COPG1: variants seen among roughly 807,000 people sequenced by gnomAD.
The protein encoded by COPG1 is coatomer subunit gamma-1.
A neutral mutation model predicts 102.8 loss-of-function variants in COPG1; 29 were observed. The observed-to-expected ratio is 0.28, with a 90% confidence interval of 0.21 to 0.38. COPG1 has a LOEUF of 0.38. COPG1 is among the 10% of genes least tolerant of loss of function. The pLI is 1.00. For synonymous variants in COPG1, 406 were observed against 421.6 expected (o/e 0.96, Z 0.45); for missense variants, 875 against 1,132.7 (o/e 0.77, Z 3.27).
Position 129,252,623 on chromosome 3 carries a change from G to T in COPG1, c.172G>T (p.Gly58Trp), listed in dbSNP as rs535955599. 1 of 1,613,598 alleles carries T rather than the reference G, an allele frequency of 6.2e-7. No homozygotes were observed. The highest frequency in any genetic ancestry group is 8.5e-7 in the Non-Finnish European group (1 of 1,179,552). ...LTKILYLINQ[G>W]EHLGTTEATE... The stretch of plus-strand genomic sequence containing the variant: ...GAGACTTCTTTCTTGATTAACACAG[G>T]GGGAGCACCTGGGGACCACGGAAGC... Residue 58 changes from glycine (G) to tryptophan (W), a missense_variant and splice_region_variant, in exon 4 of 24, where the codon GGG becomes TGG. Coordinates refer to ENST00000314797, the MANE Select transcript of COPG1 (RefSeq NM_016128.4).
chr3:129,254,923 C>A, intron 6 of COPG1, 62 bp from the exon 7 acceptor site: 1 of 1,400,520 alleles, frequency 7.1e-7, no homozygotes, highest in Non-Finnish European at 1.0e-6. Flanking sequence ...CCCATTCCTG[C>A]ACTCCTGAGA....
At position 129,277,303 on chromosome 3, in the gene COPG1, G is replaced by A. The variant is rs1940293543; in HGVS notation, c.2504G>A (p.Arg835Gln). 8 of 1,613,780 alleles carry A rather than the reference G, an allele frequency of 5.0e-6. No individual in the cohort carries two copies. In the East Asian group the frequency reaches 6.7e-5, roughly 13 times the overall value. Residue 835 changes from arginine (R) to glutamine (Q), a missense_variant, in exon 24 of 24, where the codon CGG becomes CAG. By Grantham distance (43) the Arg-to-Gln change is conservative. Coordinates refer to ENST00000314797, the MANE Select transcript of COPG1 (RefSeq NM_016128.4). ...CTCTCTTCCCTTCTAGGTGTGTTCC[G>A]GGGTGGTCATGACATCCTGGTGCGC... Reference protein sequence around the residue: ...THTLLLAGVFRGGHDILVRSR... With the variant: ...THTLLLAGVFQGGHDILVRSR...
At position 129,249,655 on chromosome 3, in the gene COPG1, C is replaced by T; in HGVS notation, c.-55C>T. 6.5e-7 allele frequency: 1 copy of T among 1,546,694 alleles called. No individual in the cohort carries two copies. Among genetic ancestry groups the T allele is most frequent in the East Asian group, 2.4e-5 (1 of 40,894 alleles). ...GTAGAACCACTGTGGCACCGCTACTCCGTGCCGCGCCCGTCGAGCATTGCG... is the reference window on the plus strand; with the variant it reads ...GTAGAACCACTGTGGCACCGCTACTTCGTGCCGCGCCCGTCGAGCATTGCG... On this transcript the variant is annotated 5_prime_UTR_variant, in exon 1 of 24. Coordinates refer to ENST00000314797, the MANE Select transcript of COPG1 (RefSeq NM_016128.4).
At position 129,277,618 on chromosome 3, in the gene COPG1, TTTA is replaced by T; in HGVS notation, c.*195_*197del. 3 of 529,250 alleles carry T rather than the reference TTTA, an allele frequency of 5.7e-6. No homozygotes were observed. The highest frequency in any genetic ancestry group is 1.0e-5 in the Non-Finnish European group (3 of 299,020). 32.8% of individuals were successfully genotyped at this position (529,250 alleles called of 1,614,324 possible). The stretch of plus-strand genomic sequence containing the variant: ...GCTGGTGACTTTTTTTTTTTTTTTT[TTTA>T]AATAGGGGATGATTTTAGCTTGTCC... On this transcript the variant is annotated 3_prime_UTR_variant, in exon 24 of 24. Transcript: ENST00000314797.
rs991424422 is a variant in COPG1, at chr3:129,268,489, C to T, written c.1649-6C>T. ...GCCAGGCATGGTGACCTCTCTTCAC[C>T]TCCAGGTCTGACTGTGTCCATCCCT... On this transcript the variant is annotated splice_polypyrimidine_tract_variant and splice_region_variant and intron_variant, in intron 16 of 23. Transcript: ENST00000314797. The T allele has an allele frequency of 1.2e-6, 2 of 1,613,974 alleles. No individual in the cohort carries two copies. The highest frequency in any genetic ancestry group is 1.7e-6 in the Non-Finnish European group (2 of 1,179,954).
At chr3:129,254,478 C>T (rs937359901) in intron 5 of COPG1, 190 bp from the exon 6 acceptor site, 10 of 537,254 alleles carry the variant, frequency 1.9e-5, no homozygotes, top group Non-Finnish European at 3.3e-5. Context: ...GGGGGATGAC[C>T]TGTTTGGTTT....
rs1376789232 is a variant in COPG1 at position 129,252,872 on chromosome 3, C to A, written c.244-4C>A. ...TGATAGGGCTTTTCCCACCTATCTC[C>A]CAGCCCACACTCCGTCGGATGTGCT... On this transcript the variant is annotated splice_region_variant and splice_polypyrimidine_tract_variant and intron_variant, in intron 4 of 23. Coordinates refer to ENST00000314797, the MANE Select transcript of COPG1 (RefSeq NM_016128.4). 1.2e-6 allele frequency: 2 copies of A among 1,613,884 alleles called. No homozygotes were observed. The highest frequency in any genetic ancestry group is 1.1e-5 in the South Asian group (1 of 91,040).
intron 18 of COPG1, among the ~76,000 whole-genome samples, chr3:129,270,239 CATT>C (rs1342753741): frequency 1.3e-5 from 2 of 151,850 alleles, no homozygotes; most frequent in Non-Finnish European, 2.9e-5. Flanking sequence ...ATCTTGGAGT[CATT>C]ATTCTGCCAC....
intron 12 of COPG1, among the ~76,000 whole-genome samples, chr3:129,263,037 A>T (rs6770334): frequency 0.098 from 12,796 of 130,822 alleles, 742 homozygotes; most frequent in Middle Eastern, 0.24. Flanking sequence ...AAAAAAAAAG[A>T]GTCCTTCTGG....
At chr3:129,254,370 A>G in intron 5 of COPG1, 1 of 316,218 alleles carries the variant, frequency 3.2e-6, no homozygotes. Flanking sequence ...GCACATGCAA[A>G]GGCTGGAGAG....
Position 129,254,737 on chromosome 3 carries a change from C to G in COPG1, c.393C>G (p.Ile131Met). 6.2e-7 allele frequency: 1 copy of G among 1,613,808 alleles called. No homozygotes were observed. The highest frequency in any genetic ancestry group is 8.5e-7 in the Non-Finnish European group (1 of 1,179,708). The change falls in exon 6 of 24, where the codon ATC becomes ATG. Residue 131 changes from isoleucine (I) to methionine (M), a missense_variant. By Grantham distance (10) the Ile-to-Met change is conservative. Coordinates refer to ENST00000314797, the MANE Select transcript of COPG1 (RefSeq NM_016128.4). ...CGGCCGTGCGAGCCCTCTGCCAGAT[C>G]ACTGATGTGAGTCGTGCCGGTTCCT... The part of the protein sequence containing the change: ...RGPAVRALCQ[I>M]TDSTMLQAIE...
At chr3:129,250,963 G>T (rs1380167945) in intron 2 of COPG1, 3 of 401,334 alleles carry the variant, frequency 7.5e-6, no homozygotes, top group Non-Finnish European at 1.3e-5. Flanking sequence ...TTGCTCTGTC[G>T]CTCAGGCTGG....
At chr3:129,268,857 A>G in intron 17 of COPG1, 75 bp from the exon 18 acceptor site, 1 of 1,375,238 alleles carries the variant, frequency 7.3e-7, no homozygotes. Flanking sequence ...TCCCTGAGTA[A>G]TAGCACTGGG....
Position 129,264,019 on chromosome 3 carries a change from G to C in COPG1, c.1224+20G>C. On this transcript the variant is annotated intron_variant, in intron 13 of 23. Coordinates refer to ENST00000314797, the MANE Select transcript of COPG1 (RefSeq NM_016128.4). ...GAAGAGGTAAGAGTCAGGGGCATTC[G>C]GGGGATGCCAGGTCTCCTGGTGCAG... is the stretch of plus-strand genomic sequence containing the variant. 2 of 1,593,518 alleles carry C rather than the reference G, an allele frequency of 1.3e-6. No homozygotes were observed. The highest frequency in any genetic ancestry group is 1.7e-6 in the Non-Finnish European group (2 of 1,161,592).
In COPG1 at chr3:129,277,599, GAC is replaced by G; in HGVS notation, c.*176_*177del. Reference sequence around the variant, plus strand: ...CTCCCACCCGGGACTACTTGCTGGTGACTTTTTTTTTTTTTTTTTTTAAATAG... The same window carrying G: ...CTCCCACCCGGGACTACTTGCTGGTGTTTTTTTTTTTTTTTTTTTAAATAG... On this transcript the variant is annotated 3_prime_UTR_variant, in exon 24 of 24. Coordinates refer to ENST00000314797, the MANE Select transcript of COPG1 (RefSeq NM_016128.4). 4 of 375,078 alleles carry G rather than the reference GAC, an allele frequency of 1.1e-5. No individual in the cohort carries two copies. Among genetic ancestry groups the G allele is most frequent in the Non-Finnish European group, 1.8e-5 (4 of 222,386 alleles). 23.2% of individuals were successfully genotyped at this position (375,078 alleles called of 1,614,324 possible).
At chr3:129,265,337 C>T (rs771513545) in intron 13 of COPG1, among the ~76,000 whole-genome samples, 29 of 152,146 alleles carry the variant, frequency 1.9e-4, no homozygotes, top group Non-Finnish European at 3.1e-4. Context: ...AGTGGTCCAC[C>T]CACCTCAGCC....
chr3:129,259,460 C>CAAAAAA (rs781019383), intron 10 of COPG1, among the ~76,000 whole-genome samples: 4 of 47,478 alleles, frequency 8.4e-5, no homozygotes, highest in Non-Finnish European at 1.7e-4. Context: ...GACTCTATCT[C>CAAAAAA]AAAAAAAAAA....
chr3:129,267,897 G>T (rs1203998519), intron 15 of COPG1, 40 bp from the exon 16 acceptor site: 1 of 1,529,880 alleles, frequency 6.5e-7, no homozygotes, highest in Non-Finnish European at 9.1e-7. Context: ...TGCCATCCCT[G>T]CTGGGTCCCA....
Position 129,265,789 on chromosome 3 carries a change from G to A in COPG1, c.1465G>A (p.Ala489Thr). The stretch of plus-strand genomic sequence containing the variant: ...GGTCTTGGAGCATGAGGAGGTCCGG[G>A]CAGGTAGGTCTGAGCCAGGGCTGAA... ...RVVLEHEEVR[A>T]GAVSALAKFG... The change falls in exon 14 of 24, where the codon GCA (alanine) becomes ACA (threonine). Residue 489 changes from alanine (A) to threonine (T), a missense_variant. Ala to Thr is a moderately conservative substitution (Grantham distance 58). Transcript: ENST00000314797. 1 of 1,613,890 alleles carries A rather than the reference G, an allele frequency of 6.2e-7. No homozygotes were observed. The highest frequency in any genetic ancestry group is 8.5e-7 in the Non-Finnish European group (1 of 1,179,860).
Sources: gnomAD v4.1 joint callset for allele counts (sites outside exome capture counted in the v4.1 genomes callset) on GRCh38, gnomAD v4.1.1 for gene constraint, MANE v1.5 for transcripts, NCBI Gene and HGNC (gene_info 2026-07-23, HGNC 2026-07-21) for gene names.